The following FRMD4A variants were observed in gnomAD, a reference collection of about 807,000 sequenced individuals.
FRMD4A encodes FERM domain-containing protein 4A.
In FRMD4A, 29 loss-of-function variants were observed where a neutral mutation model predicts 129.1. The ratio of observed to expected loss-of-function variants is 0.22; its 90% confidence interval spans 0.17 to 0.31. The LOEUF is 0.31. Among genes scored for constraint, FRMD4A ranks in the 10% least tolerant of loss-of-function variants. FRMD4A has a pLI of 1.00. For synonymous variants in FRMD4A, 634 were observed against 571.6 expected, an observed-to-expected ratio of 1.11 and a Z score of -1.56; for missense variants, 1,272 against 1,375.8, an observed-to-expected ratio of 0.92 and a Z score of 1.19.
In FRMD4A at chr10:13,657,000, G is replaced by A; in HGVS notation, c.2589C>T (p.Val863=). 6.4e-7 allele frequency: 1 copy of A among 1,566,226 alleles called. No individual in the cohort carries two copies. The highest frequency in any genetic ancestry group is 8.6e-7 in the Non-Finnish European group (1 of 1,163,316). Residue 863 remains valine (V), a synonymous_variant, in exon 22 of 25, where the codon GTC becomes GTT. Coordinates refer to ENST00000357447, the MANE Select transcript of FRMD4A (RefSeq NM_018027.5). ...AGTTGGACGTCTTGAACTGAGCCTT[G>A]ACGCTGTAGTGGCCCTCCTGGTCGC... ...LESDQEGHYS[V]KAQFKTSNSY... is the part of the protein sequence containing the mutation.
intron 17 of FRMD4A, among the ~76,000 whole-genome samples, chr10:13,670,049 T>C (rs919328530): frequency 2.0e-5 from 3 of 152,236 alleles, no homozygotes; most frequent in Admixed American, 1.3e-4. Context: ...TTTTCTTCCA[T>C]AGATCACACA....
At chr10:13,828,981 G>A (rs1289485188) in intron 3 of FRMD4A, among the ~76,000 whole-genome samples, 1 of 152,184 alleles carries the variant, frequency 6.6e-6, no homozygotes, top group Non-Finnish European at 1.5e-5. Flanking sequence ...ACCCAGTAAT[G>A]GGACTGCTGG....
At chr10:14,109,629 T>G (rs955677987) in intron 2 of FRMD4A, among the ~76,000 whole-genome samples, 2 of 152,206 alleles carry the variant, frequency 1.3e-5, no homozygotes, top group Admixed American at 1.3e-4. Flanking sequence ...CAAGAATTTG[T>G]GTCAACTTCT....
chr10:14,312,427 G>A (rs950808188), intron 2 of FRMD4A, among the ~76,000 whole-genome samples: 1 of 152,118 alleles, frequency 6.6e-6, no homozygotes, highest in Non-Finnish European at 1.5e-5. Flanking sequence ...TCCCTTTGAA[G>A]ATGATAATTT....
intron 15 of FRMD4A, among the ~76,000 whole-genome samples, chr10:13,683,405 C>T (rs73590432): frequency 0.025 from 3,775 of 150,440 alleles, 156 homozygotes; most frequent in African/African-American, 0.085. Context: ...GGCAACACAG[C>T]GAGACCCTAT....
chr10:14,276,764 C>T (rs1341399605), intron 2 of FRMD4A, among the ~76,000 whole-genome samples: 1 of 152,256 alleles, frequency 6.6e-6, no homozygotes, highest in South Asian at 2.1e-4. Flanking sequence ...GCCTGACCTT[C>T]CCATCTTCCT....
chr10:13,745,325 C>G (rs996505425), intron 9 of FRMD4A, among the ~76,000 whole-genome samples: 3 of 152,140 alleles, frequency 2.0e-5, no homozygotes, highest in Non-Finnish European at 4.4e-5. Flanking sequence ...AGTAGGGTAT[C>G]GTCAGGAGGG....
chr10:13,698,206 G>A (rs956522724), intron 14 of FRMD4A, among the ~76,000 whole-genome samples: 26 of 152,094 alleles, frequency 1.7e-4, no homozygotes, highest in African/African-American at 5.3e-4. Flanking sequence ...AACCCTCATG[G>A]CTCCCTACCC....
intron 3 of FRMD4A, among the ~76,000 whole-genome samples, chr10:13,822,274 A>G (rs1274140589): frequency 6.6e-6 from 1 of 152,258 alleles, no homozygotes; most frequent in Non-Finnish European, 1.5e-5. Context: ...GTTATTAGCT[A>G]CAATAACCAC....
intron 2 of FRMD4A, chr10:14,326,369 A>G (rs1415635981): frequency 6.6e-6 from 1 of 152,306 alleles, no homozygotes; most frequent in Non-Finnish European, 1.5e-5. Flanking sequence ...CAGAGAAAGC[A>G]CTGGCTTGGG....
At chr10:14,107,241 A>G (rs576223900) in intron 2 of FRMD4A, among the ~76,000 whole-genome samples, 18 of 152,274 alleles carry the variant, frequency 1.2e-4, no homozygotes, top group African/African-American at 3.9e-4. Context: ...AAAACTACCT[A>G]TTGGGTACTA....
chr10:14,012,646 G>A (rs1033218657), intron 2 of FRMD4A, among the ~76,000 whole-genome samples: 10 of 152,290 alleles, frequency 6.6e-5, no homozygotes, highest in Admixed American at 3.3e-4. Context: ...GCCAGTGCCC[G>A]CGCGGATGCA....
Position 13,707,125 on chromosome 10 carries a change from A to AC in FRMD4A, c.760-13dup. On this transcript the variant is annotated splice_polypyrimidine_tract_variant and intron_variant, in intron 12 of 24. Transcript: ENST00000357447. ...CTCCATTGGAATATCTGGACAGAAA[A>AC]CAGTGTAGTTTAAAACTCAGGAGGG... 3 of 1,480,190 alleles carry AC rather than the reference A, an allele frequency of 2.0e-6. No homozygotes were observed. The highest frequency in any genetic ancestry group is 2.8e-6 in the Non-Finnish European group (3 of 1,058,052). The allele number at this position is 1,480,190 out of a possible 1,614,324, so 91.7% of individuals were successfully genotyped here. A position where few individuals can be genotyped will look rare whatever the true frequency, so the allele number is the denominator to read the frequency against.
intron 2 of FRMD4A, among the ~76,000 whole-genome samples, chr10:14,131,851 T>A (rs1399493632): frequency 6.6e-6 from 1 of 152,138 alleles, no homozygotes; most frequent in African/African-American, 2.4e-5. Flanking sequence ...TGGCCTTTTC[T>A]TATAATCACA....
rs183841800 is a variant in FRMD4A, at chr10:13,787,343, C to G, written c.300-4337G>C. On this transcript the variant is annotated intron_variant, in intron 5 of 24. Transcript: ENST00000357447. ...CAAAAACGCCTGCAGAGAAACAGAG[C>G]TCAGACCTCTCCACCCGCACGCCCA... 4.9e-3 allele frequency among the ~76,000 whole-genome samples: 740 copies of G among 152,298 alleles called. 14 individuals are homozygous for G. The highest frequency in any genetic ancestry group is 4.2e-3 in the Non-Finnish European group (285 of 68,018).
chr10:14,208,094 G>A (rs1469604065), intron 2 of FRMD4A, among the ~76,000 whole-genome samples: 1 of 152,078 alleles, frequency 6.6e-6, no homozygotes, highest in African/African-American at 2.4e-5. Flanking sequence ...CTACTTGAGA[G>A]GCTGAGGTGA....
At chr10:14,113,767 A>T (rs1536451) in intron 2 of FRMD4A, among the ~76,000 whole-genome samples, 51,561 of 151,978 alleles carry the variant, frequency 0.34, 9,593 homozygotes, top group East Asian at 0.53. Flanking sequence ...GAAATGCATG[A>T]GTGTGCGCGC....
At chr10:13,698,579 G>T (rs1301159106) in intron 14 of FRMD4A, among the ~76,000 whole-genome samples, 1 of 152,208 alleles carries the variant, frequency 6.6e-6, no homozygotes, top group South Asian at 2.1e-4. Context: ...TAAACTTCAT[G>T]CAAGTGTTGG....
chr10:13,797,954 AC>A (rs2093159154), intron 4 of FRMD4A, among the ~76,000 whole-genome samples: 1 of 151,612 alleles, frequency 6.6e-6, no homozygotes, highest in African/African-American at 2.4e-5. Context: ...CAAAGCCCAT[AC>A]CTGTGGCTAT....
Sources: allele counts gnomAD v4.1 joint callset (sites outside exome capture counted in the v4.1 genomes callset), GRCh38; gene constraint gnomAD v4.1.1; transcripts MANE v1.5; gene names NCBI Gene and HGNC (gene_info 2026-07-23, HGNC 2026-07-21).